Variants in TENM3 observed in about 807,000 individuals in gnomAD.
TENM3 encodes the protein teneurin-3.
TENM3 carries 63 observed loss-of-function variants against 255.1 expected under a neutral mutation model. The ratio of observed to expected loss-of-function variants is 0.25; its 90% confidence interval spans 0.20 to 0.30. The LOEUF (loss-of-function observed/expected upper bound fraction) is 0.30. TENM3 is among the 10% of genes least tolerant of loss of function. The pLI is 1.00. For synonymous variants in TENM3, 1,306 were observed against 1,322.3 expected, an observed-to-expected ratio of 0.99 and a Z score of 0.27; for missense variants, 2,929 against 3,461.1, an observed-to-expected ratio of 0.85 and a Z score of 3.86.
chr4:182,269,910 C>A (rs1220102203), intron 1 of TENM3, among the ~76,000 whole-genome samples: 1 of 152,080 alleles, frequency 6.6e-6, no homozygotes, highest in East Asian at 1.9e-4. Flanking sequence ...CAGGCAAAGA[C>A]ATAAATCAAC....
chr4:182,507,717 G>A (rs1454828680), intron 3 of TENM3, among the ~76,000 whole-genome samples: 2 of 152,176 alleles, frequency 1.3e-5, no homozygotes, highest in Non-Finnish European at 2.9e-5. Context: ...ATATCTGGAA[G>A]TCTTCCACTT....
chr4:182,371,690 G>C (rs983945601), intron 3 of TENM3, among the ~76,000 whole-genome samples: 1 of 152,086 alleles, frequency 6.6e-6, no homozygotes, highest in Non-Finnish European at 1.5e-5. Flanking sequence ...GCAATCGCAC[G>C]GTCTTGTCTC....
the TENM3 span, among the ~76,000 whole-genome samples, chr4:181,506,955 C>G: frequency 7.2e-5 from 11 of 152,164 alleles, no homozygotes; most frequent in Non-Finnish European, 1.3e-4. Flanking sequence ...TAGCAACAGG[C>G]AGCATTACAA....
chr4:182,782,354 G>T (rs1459178615), intron 24 of TENM3, among the ~76,000 whole-genome samples: 1 of 131,028 alleles, frequency 7.6e-6, no homozygotes, highest in Non-Finnish European at 1.5e-5. Context: ...TTTCCATGTA[G>T]TTGAGCGGTT....
At chr4:182,111,189 CTTTTTTTT>C in the TENM3 span, among the ~76,000 whole-genome samples, 6 of 80,534 alleles carry the variant, frequency 7.5e-5, no homozygotes, top group Admixed American at 1.5e-4. Context: ...GTCTTCTTCT[CTTTTTTTT>C]TTTTTTTTTT....
the TENM3 span, among the ~76,000 whole-genome samples, chr4:182,018,721 G>C: frequency 6.6e-6 from 1 of 152,074 alleles, no homozygotes; most frequent in Non-Finnish European, 1.5e-5. Flanking sequence ...CTATTGCATA[G>C]ATGTAGAAAC....
the TENM3 span, among the ~76,000 whole-genome samples, chr4:181,750,125 C>T: frequency 1.2e-4 from 19 of 152,054 alleles, no homozygotes; most frequent in South Asian, 6.2e-4. Flanking sequence ...CTTTATTGGA[C>T]GTGAAAAGTA....
the TENM3 span, among the ~76,000 whole-genome samples, chr4:181,815,344 C>A: frequency 6.6e-6 from 1 of 151,244 alleles, no homozygotes; most frequent in African/African-American, 2.4e-5. Context: ...TGCCTGTAAT[C>A]CCAGCTACTT....
chr4:181,988,588 A>C, the TENM3 span, among the ~76,000 whole-genome samples: 2 of 152,150 alleles, frequency 1.3e-5, no homozygotes, highest in Non-Finnish European at 2.9e-5. Context: ...ACTAGGTACC[A>C]GGTACTCTTC....
chr4:182,411,286 G>A (rs760400124), intron 3 of TENM3, among the ~76,000 whole-genome samples: 2 of 152,204 alleles, frequency 1.3e-5, no homozygotes, highest in African/African-American at 4.8e-5. Flanking sequence ...ATACTTTGTT[G>A]CTTTAAAGGT....
chr4:181,544,418 A>AAAAAAAAAAAAAAAC, the TENM3 span, among the ~76,000 whole-genome samples: 1 of 140,550 alleles, frequency 7.1e-6, no homozygotes, highest in African/African-American at 2.9e-5. Flanking sequence ...TAAAAAAAAA[A>AAAAAAAAAAAAAAAC]AAAAAAAAAA....
the TENM3 span, among the ~76,000 whole-genome samples, chr4:181,806,772 C>T: frequency 1.3e-5 from 2 of 152,252 alleles, no homozygotes; most frequent in African/African-American, 4.8e-5. Flanking sequence ...TCTGTTATAG[C>T]AGCACAAAAC....
chr4:181,473,232 A>G, the TENM3 span, among the ~76,000 whole-genome samples: 2 of 152,170 alleles, frequency 1.3e-5, no homozygotes, highest in African/African-American at 2.4e-5. Context: ...ACAAGACTCT[A>G]TCAGCTTCCT....
chr4:182,088,221 AT>A, the TENM3 span, among the ~76,000 whole-genome samples: 1 of 152,192 alleles, frequency 6.6e-6, no homozygotes, highest in Non-Finnish European at 1.5e-5. Context: ...TTTACAAATG[AT>A]TTTCATTATG....
At chr4:182,311,732 C>G (rs1055354501) in intron 1 of TENM3, among the ~76,000 whole-genome samples, 5 of 152,166 alleles carry the variant, frequency 3.3e-5, no homozygotes, top group Non-Finnish European at 7.4e-5. Flanking sequence ...AATAATTCGT[C>G]AAGGAGCTTT....
the TENM3 span, among the ~76,000 whole-genome samples, chr4:181,479,239 C>A: frequency 6.6e-6 from 1 of 152,156 alleles, no homozygotes; most frequent in East Asian, 1.9e-4. Context: ...TTGAAAAATG[C>A]TAATTGGAAT....
At chr4:181,727,562 T>A in the TENM3 span, among the ~76,000 whole-genome samples, 1 of 152,218 alleles carries the variant, frequency 6.6e-6, no homozygotes, top group Non-Finnish European at 1.5e-5. Context: ...CTCATTCACA[T>A]AATCTGTTGA....
At chr4:181,486,023 A>AT in the TENM3 span, among the ~76,000 whole-genome samples, 3 of 152,052 alleles carry the variant, frequency 2.0e-5, no homozygotes, top group Non-Finnish European at 2.9e-5. Context: ...GAGAGAAAAA[A>AT]AAAACCTGCA....
At chr4:182,394,277 C>A (rs1768645235) in intron 3 of TENM3, among the ~76,000 whole-genome samples, 2 of 151,972 alleles carry the variant, frequency 1.3e-5, no homozygotes, top group African/African-American at 4.8e-5. Flanking sequence ...GGGGACTTTA[C>A]AAGCAAAAGA....
Sources: gnomAD v4.1 joint callset for allele counts (sites outside exome capture counted in the v4.1 genomes callset) on GRCh38, gnomAD v4.1.1 for gene constraint, MANE v1.5 for transcripts, NCBI Gene and HGNC (gene_info 2026-07-23, HGNC 2026-07-21) for gene names.